The following ADCY2 variants were observed in gnomAD, a reference collection of about 807,000 sequenced individuals.
ADCY2 encodes the protein adenylate cyclase 2.
Under a neutral mutation model 125.2 loss-of-function variants are expected in ADCY2, and 31 were observed. That is an observed-to-expected ratio of 0.25 (90% CI 0.19 to 0.33). The LOEUF is 0.33. Ranked by LOEUF, ADCY2 falls within the 10% of genes least tolerant of loss-of-function variation. The pLI is 1.00. For synonymous variants in ADCY2, 512 were observed against 548.4 expected, an observed-to-expected ratio of 0.93 and a Z score of 0.93; for missense variants, 904 against 1,418.2, an observed-to-expected ratio of 0.64 and a Z score of 5.82.
intron 2 of ADCY2, among the ~76,000 whole-genome samples, chr5:7,481,833 A>AT (rs1298093371): frequency 2.6e-5 from 4 of 151,498 alleles, no homozygotes; most frequent in South Asian, 2.1e-4. Context: ...CTATTTGTCC[A>AT]TTTTTTTGCT....
At position 7,789,757 on chromosome 5, in the gene ADCY2, C is replaced by T. The variant is rs201452559; in HGVS notation, c.2585C>T (p.Ala862Val). The T allele has an allele frequency of 3.5e-5, 57 of 1,611,050 alleles. No homozygotes were observed. The highest frequency in any genetic ancestry group is 8.4e-5 in the Admixed American group (5 of 59,758). ...GTGCTGCTGGAGAACGTGCTTCCCG[C>T]GCACGTGGCTGAGCACTTCCTGGCC... The part of the protein sequence containing the change: ...NRVLLENVLP[A>V]HVAEHFLARS... Residue 862 changes from alanine to valine, a missense_variant, in exon 20 of 25, where the codon GCG becomes GTG. Around this residue, in one of 7 missense-constraint regions of ADCY2, gnomAD observed 181 missense variants for 381.6 expected, o/e 0.47. Coordinates refer to ENST00000338316, the MANE Select transcript of ADCY2 (RefSeq NM_020546.3).
At chr5:7,639,275 C>T (rs111902529) in intron 4 of ADCY2, among the ~76,000 whole-genome samples, 9 of 152,310 alleles carry the variant, frequency 5.9e-5, no homozygotes, top group African/African-American at 2.2e-4. Flanking sequence ...GAAATATGTT[C>T]TGCACTAGCT....
intron 4 of ADCY2, among the ~76,000 whole-genome samples, chr5:7,666,726 G>A (rs1739770283): frequency 6.6e-6 from 1 of 152,228 alleles, no homozygotes; most frequent in Non-Finnish European, 1.5e-5. Flanking sequence ...CAGTGCCAGT[G>A]CTGGCGGTGC....
At chr5:7,555,535 G>A (rs2126579803) in intron 3 of ADCY2, among the ~76,000 whole-genome samples, 1 of 152,286 alleles carries the variant, frequency 6.6e-6, no homozygotes, top group Admixed American at 6.5e-5. Context: ...GTATGTTACA[G>A]ATATTTATTT....
intron 4 of ADCY2, among the ~76,000 whole-genome samples, chr5:7,646,304 G>T (rs1160400438): frequency 6.6e-6 from 1 of 150,426 alleles, no homozygotes; most frequent in Non-Finnish European, 1.5e-5. Flanking sequence ...TTTTCTAGGA[G>T]AACTTATTAT....
chr5:7,746,829 G>C (rs749920537), intron 15 of ADCY2, among the ~76,000 whole-genome samples: 3 of 152,182 alleles, frequency 2.0e-5, no homozygotes, highest in Non-Finnish European at 4.4e-5. Context: ...GCTGAAGAGA[G>C]GTCAGCCTGG....
At chr5:7,532,345 C>T (rs1323081971) in intron 3 of ADCY2, among the ~76,000 whole-genome samples, 1 of 152,160 alleles carries the variant, frequency 6.6e-6, no homozygotes, top group African/African-American at 2.4e-5. Flanking sequence ...CTTGTGAGTT[C>T]TCTCATTGTT....
At chr5:7,566,651 G>T (rs1735902689) in intron 3 of ADCY2, among the ~76,000 whole-genome samples, 2 of 152,116 alleles carry the variant, frequency 1.3e-5, no homozygotes, top group Admixed American at 6.5e-5. Context: ...AGGAGTCTTG[G>T]TGTCATGAGA....
chr5:7,418,496 C>G (rs1740043715), intron 2 of ADCY2, among the ~76,000 whole-genome samples: 2 of 152,076 alleles, frequency 1.3e-5, no homozygotes, highest in South Asian at 4.2e-4. Flanking sequence ...GGGTGTGTGC[C>G]TCATGCAGTG....
intron 17 of ADCY2, 73 bp from the exon 18 acceptor site, chr5:7,772,859 C>G: frequency 1.4e-6 from 2 of 1,449,958 alleles, no homozygotes; most frequent in Non-Finnish European, 9.5e-7. Flanking sequence ...GGCGGTGGTC[C>G]CCTGATTGTA....
chr5:7,711,091 T>C (rs182363651), intron 10 of ADCY2, among the ~76,000 whole-genome samples: 1 of 152,276 alleles, frequency 6.6e-6, no homozygotes, highest in East Asian at 1.9e-4. Flanking sequence ...ATGTAGACGG[T>C]TGGATCTGCA....
chr5:7,587,334 G>A (rs1301398010), intron 3 of ADCY2, among the ~76,000 whole-genome samples: 1 of 152,190 alleles, frequency 6.6e-6, no homozygotes, highest in Non-Finnish European at 1.5e-5. Context: ...ACTAAGCAGT[G>A]TCATGAGTTT....
Position 7,532,661 on chromosome 5 carries a change from GTT to G in ADCY2, c.570+11768_570+11769del, listed in dbSNP as rs1278079467. On this transcript the variant is annotated intron_variant, in intron 3 of 24. Coordinates refer to ENST00000338316, the MANE Select transcript of ADCY2 (RefSeq NM_020546.3). ...TAGGGACTCCTTTGTTTTTGTTTTT[GTT>G]TTTTTAAGTGTAAATCTAGAACTGT... is the stretch of plus-strand genomic sequence containing the variant. 4.6e-5 allele frequency among the ~76,000 whole-genome samples: 7 copies of G among 151,976 alleles called. No individual in the cohort carries two copies. In the East Asian group the frequency reaches 1.4e-3, roughly 29 times the overall value.
intron 2 of ADCY2, among the ~76,000 whole-genome samples, chr5:7,496,023 A>G (rs1354099313): frequency 6.6e-6 from 1 of 152,238 alleles, no homozygotes; most frequent in Non-Finnish European, 1.5e-5. Context: ...TTGCTGCTGC[A>G]TAGTCCAAGA....
intron 4 of ADCY2, among the ~76,000 whole-genome samples, chr5:7,689,447 A>C (rs1411001296): frequency 6.6e-6 from 1 of 152,250 alleles, no homozygotes; most frequent in Non-Finnish European, 1.5e-5. Flanking sequence ...CAGTACATGG[A>C]GAAACTAGCT....
intron 2 of ADCY2, among the ~76,000 whole-genome samples, chr5:7,504,920 T>C (rs1397644186): frequency 6.6e-6 from 1 of 152,104 alleles, no homozygotes; most frequent in Non-Finnish European, 1.5e-5. Context: ...TCACCCAGGC[T>C]GGAATGGAGT....
At chr5:7,717,026 T>C in intron 11 of ADCY2, 131 bp from the exon 12 acceptor site, 4 of 613,240 alleles carry the variant, frequency 6.5e-6, no homozygotes, top group Admixed American at 2.9e-5. Flanking sequence ...CGATTGATCA[T>C]TGCACATGCA....
intron 2 of ADCY2, among the ~76,000 whole-genome samples, chr5:7,464,404 C>T (rs1742030144): frequency 6.6e-6 from 1 of 152,138 alleles, no homozygotes; most frequent in African/African-American, 2.4e-5. Context: ...CCATCCAGAC[C>T]AGCCAAACCA....
At chr5:7,526,093 G>C (rs759326988) in intron 3 of ADCY2, among the ~76,000 whole-genome samples, 1 of 152,302 alleles carries the variant, frequency 6.6e-6, no homozygotes, top group South Asian at 2.1e-4. Flanking sequence ...ACCCACGCAT[G>C]TGGGGCTGCC....
Sources: gnomAD v4.1 joint callset for allele counts (sites outside exome capture counted in the v4.1 genomes callset) on GRCh38, gnomAD v4.1.1 for gene constraint, gnomAD v4.1.1 regional missense constraint, MANE v1.5 for transcripts, NCBI Gene and HGNC (gene_info 2026-07-23, HGNC 2026-07-21) for gene names.